Variants in TTC39B observed in about 807,000 individuals in gnomAD.
The protein encoded by TTC39B is tetratricopeptide repeat domain 39B.
A neutral mutation model predicts 96.6 loss-of-function variants in TTC39B; 92 were observed. The ratio of observed to expected loss-of-function variants is 0.95; its 90% CI spans 0.80 to 1.13. The LOEUF (loss-of-function observed/expected upper bound fraction) is 1.13, where lower values mean the gene tolerates loss of function less well. TTC39B is among the 50% of genes most tolerant of loss of function. TTC39B has a pLI of 0.00. For missense variants in TTC39B, 955 were observed against 809.3 expected, an observed-to-expected ratio of 1.18 and a Z score of -2.18; for synonymous variants, 367 against 299.4, an observed-to-expected ratio of 1.23 and a Z score of -2.33.
chr9:15,196,729 A>G (rs900733101), intron 8 of TTC39B, among the ~76,000 whole-genome samples: 7 of 152,252 alleles, frequency 4.6e-5, no homozygotes, highest in African/African-American at 1.7e-4. Flanking sequence ...TATTAAATAA[A>G]CTTAGCTGAT....
chr9:15,186,853 G>T, intron 15 of TTC39B, 91 bp downstream of exon 15: 5 of 1,157,872 alleles, frequency 4.3e-6, no homozygotes, highest in Non-Finnish European at 6.4e-6. Flanking sequence ...ATGCCACCAG[G>T]CCCAGCTAAT....
chr9:15,170,619 G>A (rs1817618413), exon 20 of TTC39B: 1 of 152,154 alleles, frequency 6.6e-6, no homozygotes, highest in Non-Finnish European at 1.5e-5. Context: ...CCGTGTCATG[G>A]AACTATTAAC....
intron 1 of TTC39B, among the ~76,000 whole-genome samples, chr9:15,274,121 C>T (rs944755274): frequency 2.0e-5 from 3 of 152,222 alleles, no homozygotes; most frequent in Non-Finnish European, 4.4e-5. Flanking sequence ...AAACTCAAGT[C>T]ACATCACTCC....
At chr9:15,303,603 T>C (rs918937505) in intron 1 of TTC39B, among the ~76,000 whole-genome samples, 2 of 152,048 alleles carry the variant, frequency 1.3e-5, no homozygotes, top group Non-Finnish European at 2.9e-5. Context: ...AAAAGTGATT[T>C]TTAGTGAACT....
chr9:15,199,768 A>AAAAAAC (rs1819420222), intron 8 of TTC39B, 93 bp downstream of exon 8: 2 of 376,420 alleles, frequency 5.3e-6, no homozygotes, highest in African/African-American at 2.3e-5. Flanking sequence ...AAAAAAAAAA[A>AAAAAAC]TCCTAGTCAA....
chr9:15,274,175 T>G (rs1469231365), intron 1 of TTC39B, among the ~76,000 whole-genome samples: 1 of 152,246 alleles, frequency 6.6e-6, no homozygotes, highest in East Asian at 1.9e-4. Context: ...AAGTCAGAAT[T>G]AATTTAAAAT....
chr9:15,254,380 T>A (rs1386571722), intron 2 of TTC39B, among the ~76,000 whole-genome samples: 1 of 152,190 alleles, frequency 6.6e-6, no homozygotes, highest in East Asian at 1.9e-4. Flanking sequence ...TATATGAAAA[T>A]GTCTTACATC....
intron 1 of TTC39B, among the ~76,000 whole-genome samples, chr9:15,270,079 A>C (rs112648137): frequency 0.056 from 8,542 of 152,108 alleles, 277 homozygotes; most frequent in African/African-American, 0.08. Context: ...CTGAGGCACA[A>C]GAATCACTTG....
chr9:15,185,480 C>G, intron 15 of TTC39B, 74 bp from the exon 16 acceptor site: 2 of 1,585,890 alleles, frequency 1.3e-6, no homozygotes, highest in Non-Finnish European at 1.7e-6. Context: ...GTGGTTTTCA[C>G]AGTGAACTTC....
intron 6 of TTC39B, among the ~76,000 whole-genome samples, chr9:15,206,031 C>A (rs767635461): frequency 6.6e-6 from 1 of 152,058 alleles, no homozygotes; most frequent in South Asian, 2.1e-4. Flanking sequence ...TCTGAGCAGA[C>A]GGGTGGGCAG....
intron 8 of TTC39B, among the ~76,000 whole-genome samples, chr9:15,195,259 ACAAGACC>A (rs1186157835): frequency 6.6e-6 from 1 of 152,234 alleles, no homozygotes; most frequent in East Asian, 1.9e-4. Flanking sequence ...CTAATCCAGA[ACAAGACC>A]CTAACTCTTA....
chr9:15,262,455 C>CT (rs1822980818), intron 2 of TTC39B, among the ~76,000 whole-genome samples: 1 of 152,184 alleles, frequency 6.6e-6, no homozygotes, highest in Non-Finnish European at 1.5e-5. Context: ...TTGTACATCT[C>CT]TAATTTTTCC....
At chr9:15,182,539 T>C in intron 16 of TTC39B, 124 bp from the exon 17 acceptor site, 1 of 565,768 alleles carries the variant, frequency 1.8e-6, no homozygotes, top group East Asian at 3.1e-5. Context: ...TATTTACAGA[T>C]CATTTTCCTT....
rs971463320 is a variant in TTC39B at position 15,189,474 on chromosome 9, A to C, written c.1233+100T>G. On this transcript the variant is annotated intron_variant, in intron 13 of 19. Transcript: ENST00000512701. ...TTTTCTTTATTTTTGTCTAGTCCAT[A>C]TAGCCAAGTTTACTTTTGTTGAATA... is the stretch of plus-strand genomic sequence containing the variant. 33 of 1,290,834 alleles carry C rather than the reference A, an allele frequency of 2.6e-5. 1 individual carries two copies. In the Middle Eastern group the frequency reaches 4.6e-3, roughly 180 times the overall value. The allele number at this position is 1,290,834 out of a possible 1,614,324, so 80.0% of individuals were successfully genotyped here.
At chr9:15,175,235 A>C in intron 18 of TTC39B, 100 bp from the exon 19 acceptor site, 1 of 804,174 alleles carries the variant, frequency 1.2e-6, no homozygotes, top group Non-Finnish European at 2.0e-6. Context: ...CATGTGCAGC[A>C]CTAAGTCTAT....
intron 2 of TTC39B, among the ~76,000 whole-genome samples, chr9:15,226,629 T>C (rs1332263508): frequency 6.6e-6 from 1 of 152,190 alleles, no homozygotes; most frequent in Admixed American, 6.5e-5. Context: ...ATGGTACTTA[T>C]TTTGTAAAGT....
intron 1 of TTC39B, among the ~76,000 whole-genome samples, chr9:15,278,660 A>G (rs1823639263): frequency 6.6e-6 from 1 of 152,258 alleles, no homozygotes. Flanking sequence ...TTTTAAAACC[A>G]TCACCAGTGG....
At chr9:15,302,408 A>G (rs1261272317) in intron 1 of TTC39B, among the ~76,000 whole-genome samples, 1 of 150,296 alleles carries the variant, frequency 6.7e-6, no homozygotes, top group Non-Finnish European at 1.5e-5. Context: ...CAAGGTCAGG[A>G]GTTCGAGACC....
chr9:15,251,735 A>ATATATG (rs1732010906), intron 2 of TTC39B, among the ~76,000 whole-genome samples: 2 of 123,876 alleles, frequency 1.6e-5, no homozygotes, highest in Non-Finnish European at 3.5e-5. Context: ...ATATATATAT[A>ATATATG]TGTAGTATAT....
Sources: gnomAD v4.1 joint callset for allele counts (sites outside exome capture counted in the v4.1 genomes callset) on GRCh38, gnomAD v4.1.1 for gene constraint, MANE v1.5 for transcripts, NCBI Gene and HGNC (gene_info 2026-07-23, HGNC 2026-07-21) for gene names.